The following STK39 variants were observed in gnomAD, a reference collection of about 807,000 sequenced individuals.
STK39 encodes the protein serine/threonine kinase 39.
A neutral mutation model predicts 77.8 loss-of-function variants in STK39; 20 were observed. The observed-to-expected ratio is 0.26, with a 90% CI of 0.18 to 0.37. The LOEUF is 0.37. Ranked by LOEUF, STK39 falls within the 10% of genes least tolerant of loss-of-function variation. STK39 has a pLI of 1.00. For synonymous variants in STK39, 246 were observed against 234.1 expected, an observed-to-expected ratio of 1.05 and a Z score of -0.47; for missense variants, 479 against 656.5, an observed-to-expected ratio of 0.73 and a Z score of 2.95.
chr2:168,224,773 T>C (rs565744686), intron 1 of STK39, among the ~76,000 whole-genome samples: 3 of 152,344 alleles, frequency 2.0e-5, no homozygotes, highest in African/African-American at 4.8e-5. Context: ...GAAGAAACTT[T>C]CCAACATGAA....
intron 14 of STK39, among the ~76,000 whole-genome samples, chr2:168,055,688 C>G (rs986394055): frequency 6.6e-6 from 1 of 152,232 alleles, no homozygotes; most frequent in African/African-American, 2.4e-5. Flanking sequence ...GTATGAACAG[C>G]ATCTAATACA....
At chr2:168,236,851 G>C (rs1400253347) in intron 1 of STK39, among the ~76,000 whole-genome samples, 3 of 152,110 alleles carry the variant, frequency 2.0e-5, no homozygotes, top group Non-Finnish European at 4.4e-5. Context: ...GGTTACTGTA[G>C]CCTTGTAGGA....
chr2:167,984,034 G>GTT (rs1228535487), intron 16 of STK39, among the ~76,000 whole-genome samples: 1 of 152,154 alleles, frequency 6.6e-6, no homozygotes, highest in Non-Finnish European at 1.5e-5. Context: ...ATGGTGAGTG[G>GTT]TTGCATAGGA....
At chr2:168,075,483 G>T (rs1686056386) in intron 10 of STK39, among the ~76,000 whole-genome samples, 8 of 152,062 alleles carry the variant, frequency 5.3e-5, no homozygotes, top group Admixed American at 5.2e-4. Context: ...TATTTTGGAA[G>T]AACATTGCAC....
rs547131606 is a variant in STK39 at position 168,183,743 on chromosome 2, G to T, written c.209-1653C>A. Among the ~76,000 whole-genome samples, 193 of 152,290 alleles carry T rather than the reference G, an allele frequency of 1.3e-3. 1 individual carries two copies. Among genetic ancestry groups the T allele is most frequent in the African/African-American group, 4.2e-3 (176 of 41,540 alleles). On this transcript the variant is annotated intron_variant, in intron 1 of 17. Coordinates refer to ENST00000355999, the MANE Select transcript of STK39 (RefSeq NM_013233.3). ...CCCTAATCTCACTGCTCATCCATCA[G>T]CTGCTACCCCATTGGCTGCTACTCC...
intron 16 of STK39, among the ~76,000 whole-genome samples, chr2:168,003,218 C>T (rs554113415): frequency 1.3e-5 from 2 of 152,230 alleles, no homozygotes; most frequent in African/African-American, 2.4e-5. Flanking sequence ...CCTCATGATC[C>T]GCCTGCCTTG....
chr2:167,955,554 C>G lies in STK39; in HGVS notation c.1580G>C (p.Gly527Ala). The G allele has an allele frequency of 6.2e-7, 1 of 1,613,732 alleles. No homozygotes were observed. Among genetic ancestry groups the G allele is most frequent in the Non-Finnish European group, 8.5e-7 (1 of 1,179,842 alleles). ...LTFKLASGCDGSEIPDEVKLI... is the reference protein window; with the variant it reads ...LTFKLASGCDASEIPDEVKLI... ...CTTCACTTCATCAGGAATCTCCGACCCATCACAGCCAGAAGCCTGAAAAGG... is the reference window on the plus strand; with the variant it reads ...CTTCACTTCATCAGGAATCTCCGACGCATCACAGCCAGAAGCCTGAAAAGG... The change falls in exon 18 of 18, where the codon GGG (glycine) becomes GCG (alanine). Residue 527 changes from glycine (G) to alanine (A), a missense_variant. Gly to Ala is a moderately conservative substitution (Grantham distance 60, BLOSUM62 0). Around this residue, in one of 3 missense-constraint regions of STK39, gnomAD observed 244 missense variants for 296.8 expected, o/e 0.82. Transcript: ENST00000355999.
At chr2:168,164,031 GC>G in intron 3 of STK39, 151 bp from the exon 4 acceptor site, 3 of 1,133,374 alleles carry the variant, frequency 2.6e-6, no homozygotes, top group Non-Finnish European at 3.6e-6. Context: ...TTGAATGGGG[GC>G]CCCATGACCA....
intron 10 of STK39, among the ~76,000 whole-genome samples, chr2:168,123,455 G>A (rs1244472840): frequency 6.6e-6 from 1 of 152,132 alleles, no homozygotes; most frequent in African/African-American, 2.4e-5. Flanking sequence ...GAGGTAAAGG[G>A]CATTCTGTCT....
intron 1 of STK39, among the ~76,000 whole-genome samples, chr2:168,204,345 C>T (rs1689687820): frequency 1.3e-5 from 2 of 152,204 alleles, no homozygotes; most frequent in African/African-American, 4.8e-5. Flanking sequence ...CACCACCTCA[C>T]TCCCCATCCT....
At position 168,215,703 on chromosome 2, in the gene STK39, G is replaced by A. The variant is rs112988707; in HGVS notation, c.208+31525C>T. On this transcript the variant is annotated intron_variant, in intron 1 of 17. Coordinates refer to ENST00000355999, the MANE Select transcript of STK39 (RefSeq NM_013233.3). ...AAGGTGACACAGGAGAAACAAATCT[G>A]ACGTGTAAAGGAACAGCAGCTGGAA... Among the ~76,000 whole-genome samples the A allele has an allele frequency of 8.2e-3, 1,250 of 152,290 alleles. 6 individuals carry two copies. The highest frequency in any genetic ancestry group is 0.012 in the Non-Finnish European group (838 of 68,030).
chr2:168,045,719 T>A (rs1193376167), intron 14 of STK39, among the ~76,000 whole-genome samples: 1 of 152,182 alleles, frequency 6.6e-6, no homozygotes, highest in Non-Finnish European at 1.5e-5. Flanking sequence ...AGCTACCCCA[T>A]ATTCTAAAGA....
intron 5 of STK39, among the ~76,000 whole-genome samples, chr2:168,160,496 T>C (rs1020716320): frequency 2.6e-5 from 4 of 152,198 alleles, no homozygotes; most frequent in African/African-American, 9.6e-5. Flanking sequence ...GCAGCAGCCA[T>C]GGTAGAACAG....
chr2:167,977,129 C>T (rs1480392240), intron 16 of STK39, among the ~76,000 whole-genome samples: 1 of 152,108 alleles, frequency 6.6e-6, no homozygotes, highest in Non-Finnish European at 1.5e-5. Flanking sequence ...TTATTTGGTC[C>T]TAGTGCAAAT....
chr2:167,965,201 T>G (rs930437864), intron 16 of STK39, among the ~76,000 whole-genome samples: 1 of 152,084 alleles, frequency 6.6e-6, no homozygotes, highest in Non-Finnish European at 1.5e-5. Context: ...TCCTATAAAT[T>G]CACTCAATTC....
At chr2:167,961,160 G>C (rs1029257453) in intron 17 of STK39, among the ~76,000 whole-genome samples, 10 of 152,144 alleles carry the variant, frequency 6.6e-5, no homozygotes, top group Admixed American at 2.0e-4. Flanking sequence ...AAACGCTTAG[G>C]TAGTTTTTAC....
intron 13 of STK39, 50 bp downstream of exon 13, chr2:168,065,269 G>C (rs769902248): frequency 4.4e-6 from 7 of 1,592,102 alleles, no homozygotes; most frequent in Non-Finnish European, 6.0e-6. Context: ...GTTTTTTAAA[G>C]GATCTGTCTA....
intron 3 of STK39, among the ~76,000 whole-genome samples, chr2:168,166,048 C>T (rs560863005): frequency 2.6e-5 from 4 of 152,264 alleles, no homozygotes; most frequent in African/African-American, 7.2e-5. Flanking sequence ...GTCTGCAAAA[C>T]GAAGGTGTAA....
chr2:168,196,716 C>T (rs1472781292), intron 1 of STK39, among the ~76,000 whole-genome samples: 1 of 152,064 alleles, frequency 6.6e-6, no homozygotes, highest in Non-Finnish European at 1.5e-5. Context: ...TTGGTGGGGA[C>T]AATACTTGAG....
Sources: gnomAD v4.1 joint callset for allele counts (sites outside exome capture counted in the v4.1 genomes callset) on GRCh38, gnomAD v4.1.1 for gene constraint, gnomAD v4.1.1 regional missense constraint, MANE v1.5 for transcripts, NCBI Gene and HGNC (gene_info 2026-07-23, HGNC 2026-07-21) for gene names.